The following GALNT17 variants were observed in gnomAD, a reference collection of about 807,000 sequenced individuals.
GALNT17 encodes the protein UDP-GalNAc:polypeptide N-acetylgalactosaminyltransferase-like 3.
GALNT17 carries 29 observed loss-of-function variants against 63.7 expected under a neutral mutation model. That is an observed-to-expected ratio of 0.46 (90% confidence interval 0.34 to 0.62). GALNT17 has a LOEUF of 0.62. GALNT17 is among the 20% of genes least tolerant of loss of function. The probability of loss-of-function intolerance (pLI) is 0.01; values close to 1 mark genes in which losing one functional copy is unlikely to be tolerated. For missense variants in GALNT17, 603 were observed against 799.6 expected (o/e 0.75, Z 2.97); for synonymous variants, 305 against 318.3 (o/e 0.96, Z 0.45).
chr7:71,336,243 T>C (rs1382596392), intron 2 of GALNT17, among the ~76,000 whole-genome samples: 1 of 152,020 alleles, frequency 6.6e-6, no homozygotes, highest in Non-Finnish European at 1.5e-5. Context: ...TGGGATTTTA[T>C]GCCTTTGGTC....
intron 1 of GALNT17, among the ~76,000 whole-genome samples, chr7:71,157,841 G>A (rs1261539085): frequency 4.0e-5 from 6 of 151,420 alleles, no homozygotes; most frequent in Non-Finnish European, 5.9e-5. Flanking sequence ...TGAGGTTCAC[G>A]TTTTTAACTC....
intron 1 of GALNT17, among the ~76,000 whole-genome samples, chr7:71,286,091 G>T (rs534226340): frequency 1.1e-4 from 17 of 152,232 alleles, no homozygotes; most frequent in African/African-American, 3.9e-4. Context: ...GGAAAACTGG[G>T]CATTCAACTG....
rs1461809111 is a variant in GALNT17 at position 71,684,383 on chromosome 7, T to G, written c.1500+7077T>G. On this transcript the variant is annotated intron_variant, in intron 9 of 10. Transcript: ENST00000333538. ...ACCCCAGGGACCCACTGTGGCATCT[T>G]TCTCAGCCCTGAACGCCCCCGATGG... Among the ~76,000 whole-genome samples the G allele has an allele frequency of 1.3e-5, 2 of 152,154 alleles. 1 individual carries two copies. Among genetic ancestry groups the G allele is most frequent in the Non-Finnish European group, 2.9e-5 (2 of 68,020 alleles).
intron 5 of GALNT17, among the ~76,000 whole-genome samples, chr7:71,541,645 C>T (rs1788895224): frequency 6.6e-6 from 1 of 152,118 alleles, no homozygotes; most frequent in Middle Eastern, 3.2e-3. Flanking sequence ...CCGGCTTCAC[C>T]TCATTTCCTT....
intron 1 of GALNT17, among the ~76,000 whole-genome samples, chr7:71,144,895 A>G (rs745849803): frequency 1.3e-5 from 2 of 152,044 alleles, no homozygotes; most frequent in South Asian, 2.1e-4. Context: ...TGCCAGGCTA[A>G]TTTTTTGTAT....
At chr7:71,290,757 A>G (rs899534839) in intron 1 of GALNT17, among the ~76,000 whole-genome samples, 4 of 152,104 alleles carry the variant, frequency 2.6e-5, no homozygotes, top group Non-Finnish European at 5.9e-5. Context: ...TCCATTCTCT[A>G]TGATTCCCTG....
intron 6 of GALNT17, among the ~76,000 whole-genome samples, chr7:71,585,474 T>A (rs558243869): frequency 3.5e-4 from 54 of 152,338 alleles, no homozygotes; most frequent in Non-Finnish European, 7.6e-4. Flanking sequence ...ACTATTTGTG[T>A]ATTCTGAAAT....
intron 2 of GALNT17, among the ~76,000 whole-genome samples, chr7:71,376,082 A>AAAAAAG (rs60856037): frequency 0.61 from 87,250 of 143,524 alleles, 26,597 homozygotes; most frequent in African/African-American, 0.71. Flanking sequence ...CCATCTCCAA[A>AAAAAAG]AAAAAGAAAA....
chr7:71,567,988 C>T (rs1281204440), intron 5 of GALNT17, among the ~76,000 whole-genome samples: 1 of 152,166 alleles, frequency 6.6e-6, no homozygotes, highest in Non-Finnish European at 1.5e-5. Context: ...TCATAACCAG[C>T]CGATGAGGGT....
intron 6 of GALNT17, among the ~76,000 whole-genome samples, chr7:71,633,096 T>G (rs1276042085): frequency 8.5e-6 from 1 of 117,636 alleles, no homozygotes; most frequent in African/African-American, 3.2e-5. Flanking sequence ...AGAGTGAGAC[T>G]CTGTCTCAAA....
chr7:71,527,005 C>T (rs369240041), intron 5 of GALNT17, among the ~76,000 whole-genome samples: 1 of 152,206 alleles, frequency 6.6e-6, no homozygotes, highest in East Asian at 1.9e-4. Flanking sequence ...ATCTCTATCA[C>T]TTTCACCAGT....
At chr7:71,583,752 CACA>C (rs758096246) in intron 6 of GALNT17, among the ~76,000 whole-genome samples, 1,327 of 6,076 alleles carry the variant, frequency 0.22, 15 homozygotes, top group South Asian at 0.48. Flanking sequence ...CACACACACA[CACA>C]CACACCACAC....
At chr7:71,334,174 G>A (rs1791857035) in intron 1 of GALNT17, among the ~76,000 whole-genome samples, 1 of 152,194 alleles carries the variant, frequency 6.6e-6, no homozygotes, top group Non-Finnish European at 1.5e-5. Flanking sequence ...TTCAACCTTT[G>A]CTTTTGATCT....
At chr7:71,632,555 A>G (rs1790467233) in intron 6 of GALNT17, among the ~76,000 whole-genome samples, 1 of 152,130 alleles carries the variant, frequency 6.6e-6, no homozygotes, top group Non-Finnish European at 1.5e-5. Flanking sequence ...CGAGCTGAAT[A>G]CATCTAATGC....
At chr7:71,649,457 G>A (rs1221073227) in intron 6 of GALNT17, among the ~76,000 whole-genome samples, 2 of 152,126 alleles carry the variant, frequency 1.3e-5, no homozygotes, top group African/African-American at 4.8e-5. Flanking sequence ...TAAGAGGATG[G>A]GTGATTGGCT....
At chr7:71,673,858 A>G (rs934085908) in intron 8 of GALNT17, among the ~76,000 whole-genome samples, 3 of 152,158 alleles carry the variant, frequency 2.0e-5, no homozygotes, top group Non-Finnish European at 2.9e-5. Context: ...GGCTCAAGCA[A>G]TTCTCCCACT....
intron 2 of GALNT17, among the ~76,000 whole-genome samples, chr7:71,363,334 C>T (rs62462209): frequency 0.15 from 22,381 of 151,712 alleles, 2,305 homozygotes; most frequent in African/African-American, 0.3. Context: ...GATGGTGTAC[C>T]CTGAAATGCA....
chr7:71,242,886 G>A lies in GALNT17; in HGVS notation c.239-92664G>A, dbSNP rs370723862. ...GGGCCTACTATAGAAGACACTCAAT[G>A]TTCATTGCAGGTGTACTTTACCTTT... On this transcript the variant is annotated intron_variant, in intron 1 of 10. Transcript: ENST00000333538. Among the ~76,000 whole-genome samples, 13 of 152,322 alleles carry A rather than the reference G, an allele frequency of 8.5e-5. No homozygotes were observed. The East Asian group carries it at 2.5e-3, about 29-fold the overall frequency.
intron 6 of GALNT17, among the ~76,000 whole-genome samples, chr7:71,623,820 T>C (rs9638298): frequency 0.55 from 83,288 of 152,062 alleles, 25,921 homozygotes; most frequent in East Asian, 0.78. Context: ...CATGTGAGCA[T>C]ACAGTCTTCC....
Sources: gnomAD v4.1 joint callset for allele counts (sites outside exome capture counted in the v4.1 genomes callset) on GRCh38, gnomAD v4.1.1 for gene constraint, MANE v1.5 for transcripts, NCBI Gene and HGNC (gene_info 2026-07-23, HGNC 2026-07-21) for gene names.